The following SPATA16 variants were observed in gnomAD, a reference collection of about 807,000 sequenced individuals.
The protein encoded by SPATA16 is spermatogenesis associated 16, also known as spermatogenesis-associated protein 16.
SPATA16 carries 36 observed loss-of-function variants against 63.3 expected under a neutral mutation model. The ratio of observed to expected loss-of-function variants is 0.57; its 90% CI spans 0.44 to 0.75. The LOEUF is 0.75. SPATA16 is among the 30% of genes least tolerant of loss of function. The pLI, the probability that SPATA16 is intolerant of heterozygous loss-of-function variation, is 0.00. For missense variants in SPATA16, 646 were observed against 679.3 expected (o/e 0.95, Z 0.54); for synonymous variants, 203 against 216.7 (o/e 0.94, Z 0.56).
chr3:173,051,408 T>C (rs980857582), intron 2 of SPATA16, among the ~76,000 whole-genome samples: 1 of 152,166 alleles, frequency 6.6e-6, no homozygotes, highest in African/African-American at 2.4e-5. Context: ...TTCACCGTGT[T>C]AGCCAGGATG....
At chr3:172,892,258 A>T (rs562889530) in intron 10 of SPATA16, among the ~76,000 whole-genome samples, 3 of 152,350 alleles carry the variant, frequency 2.0e-5, no homozygotes, top group African/African-American at 7.2e-5. Flanking sequence ...AGGAGTCAGT[A>T]GGAATGTTGA....
chr3:173,098,378 C>A (rs989747083), intron 2 of SPATA16, among the ~76,000 whole-genome samples: 4 of 152,118 alleles, frequency 2.6e-5, no homozygotes, highest in Non-Finnish European at 2.9e-5. Context: ...TGATGTAGAC[C>A]CTAATCTGGA....
chr3:173,103,404 C>T (rs1466477889), intron 2 of SPATA16, among the ~76,000 whole-genome samples: 1 of 152,226 alleles, frequency 6.6e-6, no homozygotes, highest in Non-Finnish European at 1.5e-5. Flanking sequence ...GCCTGGACAC[C>T]CAGGCTTTTC....
chr3:173,032,250 T>C (rs1408042423), intron 3 of SPATA16, among the ~76,000 whole-genome samples: 1 of 152,114 alleles, frequency 6.6e-6, no homozygotes. Flanking sequence ...TATTGAATTA[T>C]CTCAAGTGAA....
At chr3:172,971,504 T>A (rs376720956) in intron 5 of SPATA16, among the ~76,000 whole-genome samples, 2 of 152,302 alleles carry the variant, frequency 1.3e-5, no homozygotes, top group East Asian at 3.9e-4. Context: ...GGTATACAAT[T>A]TAAGTACCTT....
intron 4 of SPATA16, among the ~76,000 whole-genome samples, chr3:173,003,131 C>T (rs1734863153): frequency 6.6e-6 from 1 of 152,004 alleles, no homozygotes; most frequent in Non-Finnish European, 1.5e-5. Flanking sequence ...AAATTACCTA[C>T]AACACATATT....
intron 4 of SPATA16, among the ~76,000 whole-genome samples, chr3:173,016,833 G>A (rs1443157103): frequency 6.6e-6 from 1 of 152,072 alleles, no homozygotes; most frequent in African/African-American, 2.4e-5. Flanking sequence ...GGCCAACACG[G>A]TGAAACCCCA....
chr3:173,112,167 A>G (rs1468740018), intron 2 of SPATA16, among the ~76,000 whole-genome samples: 1 of 152,204 alleles, frequency 6.6e-6, no homozygotes, highest in Non-Finnish European at 1.5e-5. Flanking sequence ...GATCCTTGAA[A>G]TGCAAAAATT....
chr3:173,133,129 A>C (rs1237383262), intron 1 of SPATA16, among the ~76,000 whole-genome samples: 1 of 152,142 alleles, frequency 6.6e-6, no homozygotes, highest in Non-Finnish European at 1.5e-5. Flanking sequence ...AGAAATACAG[A>C]AGGTATGTTA....
At chr3:172,968,590 G>A (rs996546543) in intron 5 of SPATA16, among the ~76,000 whole-genome samples, 15 of 152,234 alleles carry the variant, frequency 9.9e-5, no homozygotes, top group Admixed American at 5.2e-4. Flanking sequence ...TATGTGTATG[G>A]TTCAGGTTCT....
At chr3:172,933,883 A>G (rs1478662501) in intron 6 of SPATA16, among the ~76,000 whole-genome samples, 1 of 152,168 alleles carries the variant, frequency 6.6e-6, no homozygotes, top group East Asian at 1.9e-4. Flanking sequence ...TGTAAGACAG[A>G]GATGAAACTG....
chr3:173,031,737 G>C (rs1346713936), intron 3 of SPATA16, among the ~76,000 whole-genome samples: 1 of 151,944 alleles, frequency 6.6e-6, no homozygotes, highest in Non-Finnish European at 1.5e-5. Context: ...TTAGTCAATT[G>C]ACTTGCTACA....
intron 6 of SPATA16, among the ~76,000 whole-genome samples, chr3:172,937,904 C>A (rs932770083): frequency 6.6e-6 from 1 of 152,100 alleles, no homozygotes; most frequent in Non-Finnish European, 1.5e-5. Context: ...CAAGTTATTC[C>A]TGAAAGAACA....
intron 5 of SPATA16, among the ~76,000 whole-genome samples, chr3:172,958,786 C>CGT (rs1733666992): frequency 1.3e-5 from 2 of 151,880 alleles, no homozygotes; most frequent in African/African-American, 4.8e-5. Flanking sequence ...TGTGTGTGCA[C>CGT]GCACGTGTGT....
At chr3:173,024,558 C>T (rs544928621) in intron 3 of SPATA16, among the ~76,000 whole-genome samples, 2 of 150,426 alleles carry the variant, frequency 1.3e-5, no homozygotes, top group African/African-American at 4.8e-5. Context: ...AAAATTAATA[C>T]AGAATATTAA....
At chr3:173,064,684 T>G (rs1272145790) in intron 2 of SPATA16, among the ~76,000 whole-genome samples, 2 of 152,150 alleles carry the variant, frequency 1.3e-5, no homozygotes, top group Non-Finnish European at 2.9e-5. Flanking sequence ...GTTCTTCTCA[T>G]GGAAAATGCA....
intron 3 of SPATA16, among the ~76,000 whole-genome samples, chr3:173,035,219 A>G (rs1299319165): frequency 6.6e-6 from 1 of 152,176 alleles, no homozygotes; most frequent in African/African-American, 2.4e-5. Flanking sequence ...TAATCAACAC[A>G]TCAAAACTTG....
At chr3:173,076,491 C>CT (rs969366364) in intron 2 of SPATA16, among the ~76,000 whole-genome samples, 6 of 151,718 alleles carry the variant, frequency 4.0e-5, no homozygotes, top group African/African-American at 1.5e-4. Flanking sequence ...GTGAGTAAGA[C>CT]TTTTTTTAAA....
At chr3:172,945,877 G>A (rs1733272300) in intron 6 of SPATA16, among the ~76,000 whole-genome samples, 1 of 152,130 alleles carries the variant, frequency 6.6e-6, no homozygotes. Flanking sequence ...AGTGGACTTG[G>A]GGTACATGAC....
Sources: gnomAD v4.1 joint callset for allele counts (sites outside exome capture counted in the v4.1 genomes callset) on GRCh38, gnomAD v4.1.1 for gene constraint, MANE v1.5 for transcripts, NCBI Gene and HGNC (gene_info 2026-07-23, HGNC 2026-07-21) for gene names.